The following FRK variants were observed in gnomAD, a reference collection of about 807,000 sequenced individuals.
FRK encodes the protein tyrosine-protein kinase FRK.
Under a neutral mutation model 56.4 loss-of-function variants are expected in FRK, and 51 were observed. The ratio of observed to expected loss-of-function variants is 0.90; its 90% CI spans 0.72 to 1.14. The LOEUF is 1.14. Among genes scored for constraint, FRK ranks in the 50% most tolerant of loss-of-function variants. The probability of loss-of-function intolerance (pLI) is 0.00; values close to 1 mark genes in which losing one functional copy is unlikely to be tolerated. For synonymous variants in FRK, 245 were observed against 217.9 expected, an observed-to-expected ratio of 1.12 and a Z score of -1.10; for missense variants, 570 against 601.4, an observed-to-expected ratio of 0.95 and a Z score of 0.55.
At chr6:116,021,893 G>T in intron 1 of FRK, among the ~76,000 whole-genome samples, 1 of 151,918 alleles carries the variant, frequency 6.6e-6, no homozygotes, top group South Asian at 2.1e-4. Context: ...GACAAAAATT[G>T]ATATTTTTGG....
chr6:116,089,910 A>G, the FRK span, among the ~76,000 whole-genome samples: 1 of 152,214 alleles, frequency 6.6e-6, no homozygotes, highest in African/African-American at 2.4e-5. Context: ...AATTACAAAA[A>G]TGTTTCCAAA....
At chr6:116,046,374 A>T (rs1485617170) in intron 1 of FRK, among the ~76,000 whole-genome samples, 1 of 152,260 alleles carries the variant, frequency 6.6e-6, no homozygotes, top group East Asian at 1.9e-4. Context: ...AAGACTTGGA[A>T]CCAACCCAAA....
At chr6:116,004,566 T>C (rs942265388) in intron 1 of FRK, among the ~76,000 whole-genome samples, 3 of 152,200 alleles carry the variant, frequency 2.0e-5, no homozygotes, top group African/African-American at 4.8e-5. Context: ...GAGGAATTTA[T>C]TAATATAAAG....
intron 5 of FRK, among the ~76,000 whole-genome samples, chr6:115,949,963 A>G (rs1772654462): frequency 6.6e-6 from 1 of 152,232 alleles, no homozygotes; most frequent in South Asian, 2.1e-4. Context: ...TGTTGTTGGG[A>G]AAACTGGCTA....
rs1772156184 is a variant in FRK, at chr6:115,941,113, A to G, written c.*1301T>C. The G allele has an allele frequency of 6.6e-6, 1 of 152,214 alleles. No individual in the cohort carries two copies. The highest frequency in any genetic ancestry group is 6.5e-5 in the Admixed American group (1 of 15,282). The allele number at this position is 152,214 out of a possible 1,614,324, so 9.4% of individuals were successfully genotyped here. Reference sequence around the variant, plus strand: ...CAACCCAAATGCCCATCAACGATAGACTGGATAAAGAAAATGTGGCACATA... The same window carrying G: ...CAACCCAAATGCCCATCAACGATAGGCTGGATAAAGAAAATGTGGCACATA... On this transcript the variant is annotated 3_prime_UTR_variant, in exon 8 of 8. Coordinates refer to ENST00000606080, the MANE Select transcript of FRK (RefSeq NM_002031.3).
At chr6:116,044,422 A>T (rs1776857791) in intron 1 of FRK, among the ~76,000 whole-genome samples, 1 of 152,202 alleles carries the variant, frequency 6.6e-6, no homozygotes, top group Admixed American at 6.5e-5. Flanking sequence ...TGCAAGGCTT[A>T]CTCAACATAT....
intron 2 of FRK, among the ~76,000 whole-genome samples, chr6:116,000,836 A>C (rs1775037274): frequency 6.6e-6 from 1 of 152,258 alleles, no homozygotes. Flanking sequence ...TACAAAATAT[A>C]CAATAAGTCA....
At chr6:115,990,290 A>C (rs1774547333) in intron 2 of FRK, among the ~76,000 whole-genome samples, 1 of 151,712 alleles carries the variant, frequency 6.6e-6, no homozygotes, top group African/African-American at 2.4e-5. Flanking sequence ...ATTAAGTCCC[A>C]CTTGTCTATT....
intron 5 of FRK, among the ~76,000 whole-genome samples, chr6:115,955,945 T>C (rs1772967998): frequency 6.6e-6 from 1 of 152,236 alleles, no homozygotes; most frequent in Non-Finnish European, 1.5e-5. Context: ...ATATTTCTGC[T>C]TTTTTGTCTG....
chr6:116,071,030 C>T, the FRK span, among the ~76,000 whole-genome samples: 3 of 152,030 alleles, frequency 2.0e-5, no homozygotes, highest in East Asian at 5.8e-4. Context: ...TGCATATTGT[C>T]ATCTATGGCA....
chr6:116,028,875 A>G (rs190216055), intron 1 of FRK, among the ~76,000 whole-genome samples: 155 of 152,220 alleles, frequency 1.0e-3, no homozygotes, highest in African/African-American at 3.5e-3. Context: ...TCACTTATCA[A>G]TATATTTAGG....
chr6:115,948,213 C>T (rs1321106586), intron 5 of FRK, among the ~76,000 whole-genome samples: 1 of 152,200 alleles, frequency 6.6e-6, no homozygotes, highest in East Asian at 1.9e-4. Context: ...GAGCAAAGGG[C>T]ATCTTGCAGC....
chr6:116,053,445 A>G (rs1436169775), intron 1 of FRK, among the ~76,000 whole-genome samples: 4 of 152,182 alleles, frequency 2.6e-5, no homozygotes, highest in Admixed American at 6.6e-5. Flanking sequence ...GCTTTACTGT[A>G]TAGAAGGTTG....
chr6:115,965,292 TG>T, intron 4 of FRK, among the ~76,000 whole-genome samples: 1 of 76,178 alleles, frequency 1.3e-5, no homozygotes, highest in Non-Finnish European at 2.5e-5. Flanking sequence ...AAAAAACACA[TG>T]AAAAAATGCT....
Position 116,060,256 on chromosome 6 carries a change from A to C in FRK, c.56T>G (p.Leu19Trp), listed in dbSNP as rs1777577922. ...WEYLEPYLPC[L>W]STEADKSTVI... ...GGTTGACTTGTCTGCCTCCGTGGAC[A>C]AACAGGGGAGATAGGGTTCTAGGTA... The change falls in exon 1 of 8, where the codon TTG (leucine) becomes TGG (tryptophan). Residue 19 changes from leucine (L) to tryptophan (W), a missense_variant. Coordinates refer to ENST00000606080, the MANE Select transcript of FRK (RefSeq NM_002031.3). 13 of 1,614,160 alleles carry C rather than the reference A, an allele frequency of 8.1e-6. No homozygotes were observed. The highest frequency in any genetic ancestry group is 1.1e-5 in the Non-Finnish European group (13 of 1,180,042).
chr6:116,038,857 G>T, intron 1 of FRK: 4 of 540,798 alleles, frequency 7.4e-6, no homozygotes. Context: ...CCAAGGTGCC[G>T]GCCAACACTG....
intron 5 of FRK, among the ~76,000 whole-genome samples, chr6:115,951,205 A>C (rs896251600): frequency 1.3e-5 from 2 of 152,202 alleles, no homozygotes; most frequent in Admixed American, 1.3e-4. Context: ...AAATGAATGA[A>C]GTTAATATTT....
chr6:116,086,658 G>A, the FRK span, among the ~76,000 whole-genome samples: 1 of 152,184 alleles, frequency 6.6e-6, no homozygotes, highest in Non-Finnish European at 1.5e-5. Flanking sequence ...CTAAATCTGT[G>A]ATTAATTGAT....
chr6:116,043,481 A>G (rs1292684572), intron 1 of FRK, among the ~76,000 whole-genome samples: 2 of 152,352 alleles, frequency 1.3e-5, no homozygotes, highest in African/African-American at 2.4e-5. Flanking sequence ...CTGCTCCTGA[A>G]TGACTACTGA....
Sources: allele counts gnomAD v4.1 joint callset (sites outside exome capture counted in the v4.1 genomes callset), GRCh38; gene constraint gnomAD v4.1.1; transcripts MANE v1.5; gene names NCBI Gene and HGNC (gene_info 2026-07-23, HGNC 2026-07-21).